Variants in RCBTB1 observed in about 807,000 individuals in gnomAD.
RCBTB1 encodes RCC1 and BTB domain containing protein 1.
A neutral mutation model predicts 62.4 loss-of-function variants in RCBTB1; 46 were observed. The observed-to-expected ratio is 0.74, with a 90% CI of 0.58 to 0.94. The LOEUF (loss-of-function observed/expected upper bound fraction) is 0.94. Among genes scored for constraint, RCBTB1 ranks in the 40% least tolerant of loss-of-function variants. RCBTB1 has a pLI of 0.00. For missense variants in RCBTB1, 565 were observed against 654.9 expected, an observed-to-expected ratio of 0.86 and a Z score of 1.50; for synonymous variants, 222 against 245.8, an observed-to-expected ratio of 0.90 and a Z score of 0.91.
chr13:49,544,891 G>T, intron 9 of RCBTB1, 28 bp from the exon 10 acceptor site: 1 of 1,588,406 alleles, frequency 6.3e-7, no homozygotes, highest in Non-Finnish European at 8.6e-7. Context: ...ATATTAATAT[G>T]GCAAGTTCAA....
chr13:49,540,812 A>T, intron 12 of RCBTB1, 64 bp downstream of exon 12: 1 of 1,553,884 alleles, frequency 6.4e-7, no homozygotes, highest in South Asian at 1.2e-5. Flanking sequence ...TCACGCAAGA[A>T]GCGGGGGAGA....
chr13:49,584,409 CTGTTA>C (rs1964277156), intron 1 of RCBTB1, among the ~76,000 whole-genome samples: 1 of 152,206 alleles, frequency 6.6e-6, no homozygotes, highest in Non-Finnish European at 1.5e-5. Flanking sequence ...CACAGATGAA[CTGTTA>C]TATTAATAGA....
intron 2 of RCBTB1, among the ~76,000 whole-genome samples, chr13:49,579,538 G>A (rs1444232690): frequency 6.6e-6 from 1 of 151,896 alleles, no homozygotes; most frequent in Non-Finnish European, 1.5e-5. Flanking sequence ...GCAGGAGAAT[G>A]GCGTGAGCCC....
chr13:49,534,279 A>G lies in RCBTB1; in HGVS notation c.1456-17T>C. On this transcript the variant is annotated splice_polypyrimidine_tract_variant and intron_variant, in intron 12 of 12. Transcript: ENST00000378302. ...TTCTAAATCCTGGACACACAACAAAAATAAAAACAAAAATGGCTTTTTTAG... is the reference window on the plus strand; with the variant it reads ...TTCTAAATCCTGGACACACAACAAAGATAAAAACAAAAATGGCTTTTTTAG... The G allele has an allele frequency of 6.2e-7, 1 of 1,601,690 alleles. No individual in the cohort carries two copies. Among genetic ancestry groups the G allele is most frequent in the Non-Finnish European group, 8.5e-7 (1 of 1,173,072 alleles).
At chr13:49,563,306 C>G (rs1426387386) in intron 4 of RCBTB1, among the ~76,000 whole-genome samples, 1 of 134,510 alleles carries the variant, frequency 7.4e-6, no homozygotes, top group Non-Finnish European at 1.5e-5. Flanking sequence ...GAGCCATAAT[C>G]ACTCCACTGT....
At chr13:49,540,218 A>C (rs1960240862) in intron 12 of RCBTB1, among the ~76,000 whole-genome samples, 1 of 152,212 alleles carries the variant, frequency 6.6e-6, no homozygotes, top group Admixed American at 6.5e-5. Flanking sequence ...CAGGCACTAT[A>C]GGGTATACAG....
intron 4 of RCBTB1, among the ~76,000 whole-genome samples, chr13:49,561,362 C>T (rs1962418488): frequency 6.6e-6 from 1 of 152,178 alleles, no homozygotes; most frequent in Non-Finnish European, 1.5e-5. Context: ...ACATGTGGCT[C>T]ACAAGAGCCA....
At chr13:49,553,635 C>A (rs913940442) in intron 6 of RCBTB1, among the ~76,000 whole-genome samples, 6 of 152,076 alleles carry the variant, frequency 3.9e-5, no homozygotes, top group Non-Finnish European at 5.9e-5. Context: ...AATTACAAAC[C>A]CAAGATTTGT....
chr13:49,584,792 T>C (rs900906010), intron 1 of RCBTB1, among the ~76,000 whole-genome samples: 1 of 152,152 alleles, frequency 6.6e-6, no homozygotes, highest in Non-Finnish European at 1.5e-5. Flanking sequence ...GTGTCTTACA[T>C]GCAAATAAAT....
At chr13:49,581,471 C>A (rs541574637) in intron 1 of RCBTB1, among the ~76,000 whole-genome samples, 1 of 152,286 alleles carries the variant, frequency 6.6e-6, no homozygotes, top group East Asian at 1.9e-4. Flanking sequence ...CTACTATGGA[C>A]ATTTGTGCCA....
At position 49,532,837 on chromosome 13, in the gene RCBTB1, G is replaced by C. The variant is rs933046724; in HGVS notation, c.*1285C>G. On this transcript the variant is annotated 3_prime_UTR_variant, in exon 13 of 13. Transcript: ENST00000378302. ...TAAGGGAACTCACTCAAATGGAAAT[G>C]AGTTCATGGACCAGAGAGCAAAGCA... 6.6e-6 allele frequency: 1 copy of C among 152,028 alleles called. No homozygotes were observed. The highest frequency in any genetic ancestry group is 1.5e-5 in the Non-Finnish European group (1 of 68,016). The allele number at this position is 152,028 out of a possible 1,614,324, so 9.4% of individuals were successfully genotyped here. A position where few individuals can be genotyped will look rare whatever the true frequency, so the allele number is the denominator to read the frequency against.
intron 1 of RCBTB1, among the ~76,000 whole-genome samples, chr13:49,582,212 C>T (rs1271580029): frequency 6.6e-6 from 1 of 152,122 alleles, no homozygotes; most frequent in African/African-American, 2.4e-5. Context: ...AAGCGCCGGG[C>T]GCAGTGGCTC....
intron 6 of RCBTB1, among the ~76,000 whole-genome samples, chr13:49,552,994 C>T (rs181599729): frequency 1.3e-5 from 2 of 152,002 alleles, no homozygotes; most frequent in Non-Finnish European, 2.9e-5. Flanking sequence ...CCATCCTGGC[C>T]AACACAGTGA....
rs573425883 is a variant in RCBTB1, at chr13:49,533,318, G to C, written c.*804C>G. The C allele has an allele frequency of 6.6e-6, 1 of 152,294 alleles. No homozygotes were observed. Among genetic ancestry groups the C allele is most frequent in the African/African-American group, 2.4e-5 (1 of 41,564 alleles). 9.4% of individuals were successfully genotyped at this position (152,294 alleles called of 1,614,324 possible). A position where few individuals can be genotyped will look rare whatever the true frequency, so the allele number is the denominator to read the frequency against. The stretch of plus-strand genomic sequence containing the variant: ...GTGGTGGGGGACAATTTAAACTTGA[G>C]TTCTCAAGTTCTACCTTAATGAAAT... On this transcript the variant is annotated 3_prime_UTR_variant, in exon 13 of 13. Transcript: ENST00000378302.
At chr13:49,534,329 T>A in intron 12 of RCBTB1, 67 bp from the exon 13 acceptor site, 1 of 1,513,110 alleles carries the variant, frequency 6.6e-7, no homozygotes, top group Non-Finnish European at 9.0e-7. Flanking sequence ...ATTACTTCTC[T>A]CTGAGCCCTT....
intron 4 of RCBTB1, among the ~76,000 whole-genome samples, chr13:49,563,355 CAAAAAAAAA>C (rs57586924): frequency 7.7e-5 from 4 of 52,208 alleles, no homozygotes; most frequent in African/African-American, 3.2e-4. Context: ...GACCCTGCCT[CAAAAAAAAA>C]AAAAAAAAAA....
At position 49,581,901 on chromosome 13, in the gene RCBTB1, C is replaced by T. The variant is rs553562140; in HGVS notation, c.-121-1317G>A. Among the ~76,000 whole-genome samples, 5 of 152,264 alleles carry T rather than the reference C, an allele frequency of 3.3e-5. No homozygotes were observed. The East Asian group carries it at 7.7e-4, about 24-fold the overall frequency. ...TCACTGAGGTTGTGGGTGGAAGAGG[C>T]CAGGTTGCAGCAGGTTGAGGCGTAT... On this transcript the variant is annotated intron_variant, in intron 1 of 12. Transcript: ENST00000378302.
intron 2 of RCBTB1, among the ~76,000 whole-genome samples, chr13:49,569,077 A>C (rs1168523944): frequency 2.6e-5 from 4 of 152,334 alleles, no homozygotes; most frequent in East Asian, 1.9e-4. Flanking sequence ...AAGAGATTTT[A>C]AGAAGTGGCA....
intron 5 of RCBTB1, among the ~76,000 whole-genome samples, chr13:49,556,015 C>T (rs1961829753): frequency 6.6e-6 from 1 of 152,118 alleles, no homozygotes; most frequent in African/African-American, 2.4e-5. Flanking sequence ...TGCTACATTC[C>T]CTCTATAATT....
Sources: gnomAD v4.1 joint callset for allele counts (sites outside exome capture counted in the v4.1 genomes callset) on GRCh38, gnomAD v4.1.1 for gene constraint, MANE v1.5 for transcripts, NCBI Gene and HGNC (gene_info 2026-07-23, HGNC 2026-07-21) for gene names.